Variants in GABRB1 observed in about 807,000 individuals in gnomAD.
The protein encoded by GABRB1 is gamma-aminobutyric acid type A receptor subunit beta1, also known as gamma-aminobutyric acid receptor subunit beta-1.
In GABRB1, 17 loss-of-function variants were observed where a neutral mutation model predicts 51.6. The observed-to-expected ratio is 0.33, with a 90% CI of 0.23 to 0.49. The LOEUF (loss-of-function observed/expected upper bound fraction) is 0.49, where lower values mean the gene tolerates loss of function less well. Among genes scored for constraint, GABRB1 ranks in the 20% least tolerant of loss-of-function variants. The probability of loss-of-function intolerance (pLI) is 0.99; values close to 1 mark genes in which losing one functional copy is unlikely to be tolerated. For synonymous variants in GABRB1, 247 were observed against 218.9 expected (o/e 1.13, Z -1.14); for missense variants, 410 against 600.6 (o/e 0.68, Z 3.32).
At chr4:47,194,392 T>C (rs192000438) in intron 4 of GABRB1, among the ~76,000 whole-genome samples, 29 of 152,310 alleles carry the variant, frequency 1.9e-4, no homozygotes, top group African/African-American at 5.8e-4. Context: ...CCAATCCTCT[T>C]GTTTTGCCTT....
intron 3 of GABRB1, among the ~76,000 whole-genome samples, chr4:47,147,032 C>T (rs1717200964): frequency 6.6e-6 from 1 of 151,854 alleles, no homozygotes; most frequent in South Asian, 2.1e-4. Flanking sequence ...GAAACATATA[C>T]CTACCCTAGA....
At chr4:47,229,626 C>T (rs560769538) in intron 4 of GABRB1, among the ~76,000 whole-genome samples, 1 of 152,188 alleles carries the variant, frequency 6.6e-6, no homozygotes, top group East Asian at 1.9e-4. Flanking sequence ...CCATGTATTG[C>T]AGATACTGTG....
At chr4:47,204,321 C>T (rs751993446) in intron 4 of GABRB1, among the ~76,000 whole-genome samples, 18 of 152,106 alleles carry the variant, frequency 1.2e-4, no homozygotes, top group Non-Finnish European at 2.1e-4. Context: ...TGGTGACAAA[C>T]AGCACTAATT....
chr4:47,281,985 A>G (rs1029049910), intron 4 of GABRB1, among the ~76,000 whole-genome samples: 1 of 152,204 alleles, frequency 6.6e-6, no homozygotes, highest in African/African-American at 2.4e-5. Flanking sequence ...GATCACGGTT[A>G]GTATGATGTA....
chr4:47,201,446 T>G (rs1719893915), intron 4 of GABRB1, among the ~76,000 whole-genome samples: 1 of 152,198 alleles, frequency 6.6e-6, no homozygotes, highest in Non-Finnish European at 1.5e-5. Context: ...AAATTACCAC[T>G]TTTTATTCTA....
chr4:47,326,640 A>G (rs1347936991), intron 5 of GABRB1, among the ~76,000 whole-genome samples: 1 of 152,116 alleles, frequency 6.6e-6, no homozygotes, highest in Non-Finnish European at 1.5e-5. Flanking sequence ...GTGCTCTTAT[A>G]AAAGAAGCCC....
intron 5 of GABRB1, among the ~76,000 whole-genome samples, chr4:47,378,054 C>T (rs373836462): frequency 6.6e-4 from 100 of 152,340 alleles, no homozygotes; most frequent in African/African-American, 2.3e-3. Context: ...GCTCCTCAGC[C>T]CTTGGGTGGT....
At chr4:47,042,145 A>G (rs188645581) in intron 3 of GABRB1, among the ~76,000 whole-genome samples, 24 of 152,080 alleles carry the variant, frequency 1.6e-4, no homozygotes, top group Non-Finnish European at 2.9e-4. Flanking sequence ...TTAGGGACTG[A>G]ATAATAACAT....
chr4:47,282,085 CTAAT>C (rs1348736877), intron 4 of GABRB1, among the ~76,000 whole-genome samples: 2 of 152,020 alleles, frequency 1.3e-5, no homozygotes, highest in African/African-American at 4.8e-5. Context: ...GATTGATATG[CTAAT>C]TAATTGATTG....
intron 4 of GABRB1, among the ~76,000 whole-genome samples, chr4:47,167,101 C>T (rs1282032403): frequency 1.3e-5 from 2 of 152,036 alleles, no homozygotes; most frequent in Non-Finnish European, 2.9e-5. Context: ...CAAATAGATG[C>T]CCAATAAATG....
At chr4:47,121,789 A>AT (rs1176848573) in intron 3 of GABRB1, among the ~76,000 whole-genome samples, 5 of 152,234 alleles carry the variant, frequency 3.3e-5, no homozygotes, top group African/African-American at 9.6e-5. Flanking sequence ...GTCGTTTGGA[A>AT]TTTTGAGATG....
At chr4:47,237,380 A>T (rs1721366606) in intron 4 of GABRB1, among the ~76,000 whole-genome samples, 1 of 152,070 alleles carries the variant, frequency 6.6e-6, no homozygotes, top group Non-Finnish European at 1.5e-5. Flanking sequence ...TCTAGGAAAT[A>T]ACCCTTCACT....
chr4:47,253,382 T>A (rs1330903964), intron 4 of GABRB1, among the ~76,000 whole-genome samples: 1 of 152,232 alleles, frequency 6.6e-6, no homozygotes, highest in East Asian at 1.9e-4. Context: ...GAAGAAACCC[T>A]GAAATGACAA....
At chr4:47,385,726 C>T (rs1727770052) in intron 5 of GABRB1, among the ~76,000 whole-genome samples, 1 of 152,164 alleles carries the variant, frequency 6.6e-6, no homozygotes, top group East Asian at 1.9e-4. Flanking sequence ...TCCCAGAAGA[C>T]TGCATTCACT....
chr4:47,175,487 A>G lies in GABRB1; in HGVS notation c.461+14018A>G, dbSNP rs1222563006. 4.6e-5 allele frequency among the ~76,000 whole-genome samples: 7 copies of G among 152,226 alleles called. No individual in the cohort carries two copies. The East Asian group carries it at 1.4e-3, about 29-fold the overall frequency. On this transcript the variant is annotated intron_variant, in intron 4 of 8. Coordinates refer to ENST00000295454, the MANE Select transcript of GABRB1 (RefSeq NM_000812.4). Reference sequence around the variant, plus strand: ...TTAAATCTCAACTTAGAAAGTGTCTACTCTTAACACTATCTCCCTGATGGC... The same window carrying G: ...TTAAATCTCAACTTAGAAAGTGTCTGCTCTTAACACTATCTCCCTGATGGC...
intron 5 of GABRB1, among the ~76,000 whole-genome samples, chr4:47,380,597 C>T (rs909689731): frequency 1.3e-5 from 2 of 152,062 alleles, no homozygotes; most frequent in African/African-American, 2.4e-5. Context: ...ATTGATCATC[C>T]GTCTATTCAA....
intron 3 of GABRB1, among the ~76,000 whole-genome samples, chr4:47,059,258 A>G (rs75912167): frequency 5.5e-4 from 84 of 152,314 alleles, no homozygotes; most frequent in African/African-American, 1.9e-3. Context: ...ATGAGGGAGC[A>G]TGCTGTTTAC....
intron 3 of GABRB1, among the ~76,000 whole-genome samples, chr4:47,098,486 T>A (rs530271223): frequency 6.6e-6 from 1 of 152,276 alleles, no homozygotes; most frequent in South Asian, 2.1e-4. Flanking sequence ...CAAAATGTTA[T>A]TTGTTATTAT....
intron 3 of GABRB1, among the ~76,000 whole-genome samples, chr4:47,088,486 A>G (rs1353043618): frequency 6.6e-6 from 1 of 152,230 alleles, no homozygotes; most frequent in Admixed American, 6.5e-5. Context: ...GCAAAATACC[A>G]GGAGGACAGC....
Sources: gnomAD v4.1 joint callset for allele counts (sites outside exome capture counted in the v4.1 genomes callset) on GRCh38, gnomAD v4.1.1 for gene constraint, MANE v1.5 for transcripts, NCBI Gene and HGNC (gene_info 2026-07-23, HGNC 2026-07-21) for gene names.